The following CC2D2A variants were observed in gnomAD, a reference collection of about 807,000 sequenced individuals.
CC2D2A encodes coiled-coil and C2 domain-containing protein 2A.
Under a neutral mutation model 212.9 loss-of-function variants are expected in CC2D2A, and 155 were observed. The ratio of observed to expected loss-of-function variants is 0.73; its 90% confidence interval spans 0.64 to 0.83. The LOEUF (loss-of-function observed/expected upper bound fraction) is 0.83, where lower values mean the gene tolerates loss of function less well. CC2D2A is among the 40% of genes least tolerant of loss of function. The pLI, the probability that CC2D2A is intolerant of heterozygous loss-of-function variation, is 0.00. For missense variants in CC2D2A, 1,856 were observed against 1,956.2 expected (o/e 0.95, Z 0.97); for synonymous variants, 667 against 686.5 (o/e 0.97, Z 0.44).
intron 20 of CC2D2A, among the ~76,000 whole-genome samples, chr4:15,555,591 G>A (rs760484490): frequency 6.6e-6 from 1 of 152,134 alleles, no homozygotes; most frequent in Non-Finnish European, 1.5e-5. Context: ...ATGTAAAAAT[G>A]TGCTTGGCAC....
In CC2D2A at chr4:15,528,704, A is replaced by G. The variant is rs777022662; in HGVS notation, c.1444A>G (p.Asn482Asp). The G allele has an allele frequency of 2.5e-6, 4 of 1,612,160 alleles. No homozygotes were observed. The Admixed American group carries it at 6.7e-5, about 27-fold the overall frequency. ...TCTCGATACCATCCAAAAAACCATC[A>G]ATGAGTATAAATCTGAAATTCGGTG... The part of the protein sequence containing the change: ...QSLDTIQKTI[N>D]EYKSEIRQTR... The change falls in exon 13 of 37, where the codon AAT becomes GAT. Residue 482 changes from asparagine to aspartate, a missense_variant. Asn to Asp is a conservative substitution (Grantham distance 23). Around this residue, in one of 5 missense-constraint regions of CC2D2A, gnomAD observed 1,512 missense variants for 1,579.3 expected, o/e 0.96. Transcript: ENST00000424120.
intron 4 of CC2D2A, among the ~76,000 whole-genome samples, chr4:15,490,372 C>T (rs946801836): frequency 4.6e-5 from 7 of 152,178 alleles, no homozygotes; most frequent in Non-Finnish European, 8.8e-5. Flanking sequence ...CTGAACATTG[C>T]ATGTAAATGG....
intron 4 of CC2D2A, among the ~76,000 whole-genome samples, chr4:15,496,819 A>G (rs1012932415): frequency 1.3e-5 from 2 of 152,208 alleles, no homozygotes; most frequent in African/African-American, 4.8e-5. Context: ...CACAACAGCC[A>G]CACAAAGAAT....
intron 4 of CC2D2A, among the ~76,000 whole-genome samples, chr4:15,500,093 G>GTATACA (rs1715838621): frequency 2.0e-5 from 1 of 50,856 alleles, no homozygotes; most frequent in African/African-American, 6.2e-5. Context: ...GTGTGTGTGT[G>GTATACA]TGTGTGTGTG....
Position 15,557,292 on chromosome 4 carries a change from C to A in CC2D2A, c.2626-12C>A. On this transcript the variant is annotated splice_polypyrimidine_tract_variant and intron_variant, in intron 20 of 36. Coordinates refer to ENST00000424120, the MANE Select transcript of CC2D2A (RefSeq NM_001378615.1). ...CTGTCATCTGGAGTTTTGCATTTTC[C>A]GTTTTTTATAGGTTGCTACCAGTGG... 2 of 1,589,336 alleles carry A rather than the reference C, an allele frequency of 1.3e-6. No homozygotes were observed. The highest frequency in any genetic ancestry group is 1.1e-5 in the South Asian group (1 of 87,378).
intron 8 of CC2D2A, among the ~76,000 whole-genome samples, chr4:15,512,887 C>T (rs535763440): frequency 4.6e-4 from 69 of 150,312 alleles, no homozygotes; most frequent in African/African-American, 1.6e-3. Context: ...GAGAGGCAGA[C>T]GTTGCAGTGA....
rs1716565720 is a variant in CC2D2A, at chr4:15,511,441, G to A, written c.717+18G>A. Reference sequence around the variant, plus strand: ...AGGAAATGGTATTTAATATCAGGATGGTAATGAGGTGTGGGTGGAGGGCTA... The same window carrying A: ...AGGAAATGGTATTTAATATCAGGATAGTAATGAGGTGTGGGTGGAGGGCTA... On this transcript the variant is annotated intron_variant, in intron 8 of 36. Coordinates refer to ENST00000424120, the MANE Select transcript of CC2D2A (RefSeq NM_001378615.1). The A allele has an allele frequency of 6.0e-6, 9 of 1,506,432 alleles. No individual in the cohort carries two copies. Among genetic ancestry groups the A allele is most frequent in the Non-Finnish European group, 7.9e-6 (9 of 1,135,440 alleles). 93.3% of individuals were successfully genotyped at this position (1,506,432 alleles called of 1,614,324 possible).
intron 11 of CC2D2A, among the ~76,000 whole-genome samples, chr4:15,524,165 G>A (rs1717364830): frequency 3.9e-5 from 6 of 152,050 alleles, no homozygotes; most frequent in Admixed American, 2.6e-4. Flanking sequence ...ACACAGCCTC[G>A]CTCTGTTGCC....
chr4:15,511,478 C>A, intron 8 of CC2D2A, 55 bp downstream of exon 8: 1 of 1,410,226 alleles, frequency 7.1e-7, no homozygotes. Context: ...GAGGAAAAAG[C>A]TGATGTCCCT....
chr4:15,574,238 C>A lies in CC2D2A; in HGVS notation c.3683C>A (p.Ser1228Tyr). Residue 1228 changes from serine (S) to tyrosine (Y), a missense_variant, in exon 29 of 37, where the codon TCT becomes TAT. By Grantham distance (144) the Ser-to-Tyr change is moderately radical. Around this residue, in one of 5 missense-constraint regions of CC2D2A, gnomAD observed 1,512 missense variants for 1,579.3 expected, o/e 0.96. Transcript: ENST00000424120. ...RNMILERGFD[S>Y]VRSLSEGSYI... ...ATGATTCTTGAGCGGGGTTTTGATT[C>A]TGTCCGAAGCTTAAGTGAAGGCTCC... 1 of 1,551,488 alleles carries A rather than the reference C, an allele frequency of 6.4e-7. No homozygotes were observed. Among genetic ancestry groups the A allele is most frequent in the East Asian group, 2.4e-5 (1 of 40,896 alleles).
At chr4:15,487,293 T>C (rs2108982161) in intron 4 of CC2D2A, among the ~76,000 whole-genome samples, 1 of 152,250 alleles carries the variant, frequency 6.6e-6, no homozygotes, top group African/African-American at 2.4e-5. Context: ...TTAGCTCTAA[T>C]AATATTTGCT....
chr4:15,484,594 G>A (rs1413289753), intron 4 of CC2D2A, among the ~76,000 whole-genome samples: 1 of 152,138 alleles, frequency 6.6e-6, no homozygotes, highest in African/African-American at 2.4e-5. Flanking sequence ...TGGAAAGAGT[G>A]TGGGAAATCT....
At chr4:15,547,370 T>C (rs758037035) in intron 17 of CC2D2A, among the ~76,000 whole-genome samples, 1 of 152,244 alleles carries the variant, frequency 6.6e-6, no homozygotes, top group Non-Finnish European at 1.5e-5. Flanking sequence ...TTGTTAACTA[T>C]AGTAACCCTA....
rs1369320518 is a variant in CC2D2A at position 15,559,237 on chromosome 4, G to A, written c.2902G>A (p.Val968Ile). 3 of 1,551,540 alleles carry A rather than the reference G, an allele frequency of 1.9e-6. No individual in the cohort carries two copies. Among genetic ancestry groups the A allele is most frequent in the Non-Finnish European group, 2.6e-6 (3 of 1,146,410 alleles). Residue 968 changes from valine (V) to isoleucine (I), a missense_variant, in exon 22 of 37, where the codon GTA becomes ATA. Val to Ile is a conservative substitution (Grantham distance 29, BLOSUM62 3). Around this residue, in one of 5 missense-constraint regions of CC2D2A, gnomAD observed 1,512 missense variants for 1,579.3 expected, o/e 0.96. Transcript: ENST00000424120. ...ACACATAGACACCCATAGGGCCATA[G>A]TAGCCAAGTACCTCCAGCAGGTAAG... ...KEHIDTHRAI[V>I]AKYLQQVRES...
At chr4:15,546,669 T>C (rs1718727673) in intron 17 of CC2D2A, among the ~76,000 whole-genome samples, 1 of 152,258 alleles carries the variant, frequency 6.6e-6, no homozygotes, top group Non-Finnish European at 1.5e-5. Flanking sequence ...CCAAAACAGA[T>C]GTTTTCACAT....
chr4:15,567,557 G>C, intron 25 of CC2D2A, 75 bp downstream of exon 25: 1 of 1,379,246 alleles, frequency 7.3e-7, no homozygotes, highest in Non-Finnish European at 1.0e-6. Flanking sequence ...TTCATGGATA[G>C]TCTGCTCTCT....
In CC2D2A at chr4:15,553,272, C is replaced by A. The variant is rs1009147854; in HGVS notation, c.2453C>A (p.Pro818His). The A allele has an allele frequency of 6.2e-7, 1 of 1,612,916 alleles. No homozygotes were observed. The highest frequency in any genetic ancestry group is 1.3e-5 in the African/African-American group (1 of 74,852). ...AIGENGIPLI[P>H]PLSQQNIGFR... Reference sequence around the variant, plus strand: ...GGAGAAAACGGGATACCTTTAATTCCTCCATTGTCACAGCAGAACATCGGA... The same window carrying A: ...GGAGAAAACGGGATACCTTTAATTCATCCATTGTCACAGCAGAACATCGGA... Residue 818 changes from proline (P) to histidine (H), a missense_variant, in exon 19 of 37, where the codon CCT becomes CAT. Pro to His is a moderately conservative substitution (Grantham distance 77, BLOSUM62 -2). Transcript: ENST00000424120.
At chr4:15,600,180 T>G (rs1224526824) in intron 36 of CC2D2A, among the ~76,000 whole-genome samples, 1 of 152,228 alleles carries the variant, frequency 6.6e-6, no homozygotes, top group African/African-American at 2.4e-5. Context: ...AACTTAACAG[T>G]AAGCCTTACT....
In CC2D2A at chr4:15,540,976, T is replaced by G; in HGVS notation, c.2143T>G (p.Leu715Val). 6.4e-7 allele frequency: 1 copy of G among 1,551,962 alleles called. No homozygotes were observed. The highest frequency in any genetic ancestry group is 8.7e-7 in the Non-Finnish European group (1 of 1,147,252). ...FRVHFGQIFN[L>V]QIVNWPESLT... Reference sequence around the variant, plus strand: ...AGTTCACTTTGGGCAGATTTTCAATTTGCAAATAGTCAACTGGCCGGAGAG... The same window carrying G: ...AGTTCACTTTGGGCAGATTTTCAATGTGCAAATAGTCAACTGGCCGGAGAG... Residue 715 changes from leucine (L) to valine (V), a missense_variant, in exon 17 of 37, where the codon TTG (leucine) becomes GTG (valine). Coordinates refer to ENST00000424120, the MANE Select transcript of CC2D2A (RefSeq NM_001378615.1).
Sources: allele counts gnomAD v4.1 joint callset (sites outside exome capture counted in the v4.1 genomes callset), GRCh38; gene constraint gnomAD v4.1.1; regional missense constraint gnomAD v4.1.1; transcripts MANE v1.5; gene names NCBI Gene and HGNC (gene_info 2026-07-23, HGNC 2026-07-21).